The following PHF14 variants were observed in gnomAD, a reference collection of about 807,000 sequenced individuals.
PHF14 encodes PHD finger protein 14.
PHF14 carries 55 observed loss-of-function variants against 117.9 expected under a neutral mutation model. The ratio of observed to expected loss-of-function variants is 0.47; its 90% CI spans 0.38 to 0.58. The LOEUF is 0.58. Among genes scored for constraint, PHF14 ranks in the 20% least tolerant of loss-of-function variants. PHF14 has a pLI of 0.00. For synonymous variants in PHF14, 409 were observed against 368.6 expected (o/e 1.11, Z -1.26); for missense variants, 978 against 1,122.2 (o/e 0.87, Z 1.84).
chr7:11,064,119 A>T (rs1186660677), intron 16 of PHF14, among the ~76,000 whole-genome samples: 1 of 151,986 alleles, frequency 6.6e-6, no homozygotes, highest in Non-Finnish European at 1.5e-5. Context: ...AAGCAATGCC[A>T]TAAAATATTT....
At position 11,030,118 on chromosome 7, in the gene PHF14, A is replaced by C. The variant is rs185919849; in HGVS notation, c.1455+1300A>C. On this transcript the variant is annotated intron_variant, in intron 7 of 17. Transcript: ENST00000634607. ...CTTGATTTTAAGGAATTGTACTTTG[A>C]TGAAGGCTACTAGATGAACAGTGAG... 2.5e-4 allele frequency among the ~76,000 whole-genome samples: 38 copies of C among 150,598 alleles called. No individual in the cohort carries two copies. The East Asian group carries it at 6.6e-3, about 26-fold the overall frequency.
chr7:10,992,274 G>T (rs1162272593), intron 4 of PHF14, among the ~76,000 whole-genome samples: 1 of 150,238 alleles, frequency 6.7e-6, no homozygotes, highest in Non-Finnish European at 1.5e-5. Context: ...GGCTGGTCTC[G>T]ATTTCCTGGC....
intron 17 of PHF14, among the ~76,000 whole-genome samples, chr7:11,168,104 C>T (rs1241172655): frequency 6.6e-6 from 1 of 150,830 alleles, no homozygotes; most frequent in African/African-American, 2.4e-5. Context: ...TTTCAAGAAT[C>T]AAACTTAATG....
At chr7:11,131,504 T>G (rs1021982194) in intron 17 of PHF14, among the ~76,000 whole-genome samples, 3 of 151,946 alleles carry the variant, frequency 2.0e-5, no homozygotes, top group Non-Finnish European at 4.4e-5. Context: ...GTTGTAAAAT[T>G]ATTGTTTAAT....
intron 3 of PHF14, among the ~76,000 whole-genome samples, chr7:10,983,485 C>T (rs1366922357): frequency 6.6e-6 from 1 of 152,148 alleles, no homozygotes; most frequent in Non-Finnish European, 1.5e-5. Context: ...CACAGGACTG[C>T]TGAATGGTGC....
At chr7:11,132,107 C>A (rs1304956468) in intron 17 of PHF14, among the ~76,000 whole-genome samples, 1 of 151,648 alleles carries the variant, frequency 6.6e-6, no homozygotes, top group East Asian at 1.9e-4. Context: ...AAGGTTTTGG[C>A]AAGAATAGCT....
chr7:11,091,050 T>C (rs907979275), intron 16 of PHF14, among the ~76,000 whole-genome samples: 1 of 152,188 alleles, frequency 6.6e-6, no homozygotes, highest in African/African-American at 2.4e-5. Context: ...TGGAGATTTA[T>C]TGAAGACAAG....
rs1786457290 is a variant in PHF14, at chr7:11,087,443, G to A, written c.2655-23907G>A. On this transcript the variant is annotated intron_variant, in intron 16 of 17. Coordinates refer to ENST00000634607, the MANE Select transcript of PHF14 (RefSeq NM_001007157.2). ...CTGACCTTGTGATCCACCTGCCTCG[G>A]CCTCCCAAAGTGCTGGGGTTACAGG... 2.0e-5 allele frequency among the ~76,000 whole-genome samples: 3 copies of A among 152,120 alleles called. 1 individual carries two copies. The highest frequency in any genetic ancestry group is 2.0e-4 in the Admixed American group (3 of 15,274).
chr7:11,036,482 C>G lies in PHF14; in HGVS notation c.1667C>G (p.Pro556Arg). The change falls in exon 9 of 18, where the codon CCC (proline) becomes CGC (arginine). Residue 556 changes from proline (P) to arginine (R), a missense_variant. Pro to Arg is a moderately radical substitution (Grantham distance 103). Around this residue, in one of 7 missense-constraint regions of PHF14, gnomAD observed 237 missense variants for 276.4 expected, o/e 0.86. Transcript: ENST00000634607. ...AKAELARSTRPQAWVPREKLP... is the reference protein window; with the variant it reads ...AKAELARSTRRQAWVPREKLP... ...GCAGAACTAGCTCGATCTACCAGAC[C>G]CCAGGCCTGGGTTCCAAGGGAAAAA... is the stretch of plus-strand genomic sequence containing the variant. The G allele has an allele frequency of 6.2e-7, 1 of 1,613,800 alleles. No individual in the cohort carries two copies. The highest frequency in any genetic ancestry group is 8.5e-7 in the Non-Finnish European group (1 of 1,179,750).
At position 11,006,629 on chromosome 7, in the gene PHF14, C is replaced by G. The variant is rs911555064; in HGVS notation, c.1046-7118C>G. ...TCTTCTTCATGGCAGACTCAGTGGT[C>G]AGCAGAAACTTGATGATGGTATAGT... On this transcript the variant is annotated intron_variant, in intron 4 of 17. Coordinates refer to ENST00000634607, the MANE Select transcript of PHF14 (RefSeq NM_001007157.2). 2.9e-5 allele frequency: 18 copies of G among 616,534 alleles called. No individual in the cohort carries two copies. The Admixed American group carries it at 3.3e-4, about 11-fold the overall frequency. 38.2% of individuals were successfully genotyped at this position (616,534 alleles called of 1,614,324 possible).
chr7:10,976,238 T>C (rs1781860336), intron 2 of PHF14, among the ~76,000 whole-genome samples: 2 of 152,210 alleles, frequency 1.3e-5, no homozygotes, highest in African/African-American at 4.8e-5. Context: ...TAAGTTTATC[T>C]TGATTAACTG....
chr7:11,113,153 T>C (rs867649159), intron 17 of PHF14, among the ~76,000 whole-genome samples: 3 of 152,124 alleles, frequency 2.0e-5, no homozygotes, highest in Admixed American at 6.6e-5. Context: ...TTTTTAAATA[T>C]ACCTTTTTGC....
intron 14 of PHF14, among the ~76,000 whole-genome samples, chr7:11,059,927 G>T (rs555513079): frequency 7.9e-5 from 12 of 152,202 alleles, no homozygotes; most frequent in African/African-American, 2.9e-4. Context: ...TTGGAATGCA[G>T]TGACTTGATC....
chr7:11,137,660 A>AT (rs1299149020), intron 17 of PHF14, among the ~76,000 whole-genome samples: 1 of 144,190 alleles, frequency 6.9e-6, no homozygotes, highest in East Asian at 2.1e-4. Flanking sequence ...CAATGGCACA[A>AT]TCTCGGCTCC....
intron 1 of PHF14, 113 bp from the exon 2 acceptor site, chr7:10,974,722 C>T: frequency 3.1e-6 from 2 of 646,302 alleles, no homozygotes; most frequent in Middle Eastern, 2.5e-4. Flanking sequence ...GCTGAGAACT[C>T]AGTTAGACAA....
At chr7:11,047,507 G>C (rs1328286101) in intron 13 of PHF14, among the ~76,000 whole-genome samples, 1 of 151,548 alleles carries the variant, frequency 6.6e-6, no homozygotes, top group Non-Finnish European at 1.5e-5. Flanking sequence ...ATAGAAAATT[G>C]AGAAAAGGCC....
At chr7:11,009,655 G>C (rs1583360798) in intron 4 of PHF14, among the ~76,000 whole-genome samples, 1 of 152,196 alleles carries the variant, frequency 6.6e-6, no homozygotes, top group African/African-American at 2.4e-5. Flanking sequence ...CTTTGGTCTA[G>C]AGCTCAGTAA....
chr7:10,976,275 T>G (rs994651820), intron 2 of PHF14, among the ~76,000 whole-genome samples: 2 of 152,188 alleles, frequency 1.3e-5, no homozygotes, highest in African/African-American at 4.8e-5. Flanking sequence ...TTCTCAGCTC[T>G]TTATCTCCCA....
At chr7:11,071,127 G>C (rs1275549617) in intron 16 of PHF14, 2 of 351,736 alleles carry the variant, frequency 5.7e-6, no homozygotes, top group African/African-American at 4.2e-5. Flanking sequence ...CTTGTCACTT[G>C]CCAGCTTTGT....
Sources: gnomAD v4.1 joint callset for allele counts (sites outside exome capture counted in the v4.1 genomes callset) on GRCh38, gnomAD v4.1.1 for gene constraint, gnomAD v4.1.1 regional missense constraint, MANE v1.5 for transcripts, NCBI Gene and HGNC (gene_info 2026-07-23, HGNC 2026-07-21) for gene names.